The following CARMIL2 variants were observed in gnomAD, a reference collection of about 807,000 sequenced individuals.
CARMIL2 encodes the protein capping protein, Arp2/3 and myosin-I linker protein 2.
A neutral mutation model predicts 173.3 loss-of-function variants in CARMIL2; 96 were observed. That is an observed-to-expected ratio of 0.55 (90% CI 0.47 to 0.66). The LOEUF (loss-of-function observed/expected upper bound fraction) is 0.66. Among genes scored for constraint, CARMIL2 ranks in the 30% least tolerant of loss-of-function variants. CARMIL2 has a pLI of 0.00. For synonymous variants in CARMIL2, 830 were observed against 817.1 expected, an observed-to-expected ratio of 1.02 and a Z score of -0.27; for missense variants, 1,771 against 1,906.7, an observed-to-expected ratio of 0.93 and a Z score of 1.33.
chr16:67,652,437 C>A lies in CARMIL2; in HGVS notation c.2818-35C>A. Reference sequence around the variant, plus strand: ...GGCAGCTCTTTTGGGTTGGTGCTCTCCTACCCCAGGCTGAGTTTGTGCCCT... The same window carrying A: ...GGCAGCTCTTTTGGGTTGGTGCTCTACTACCCCAGGCTGAGTTTGTGCCCT... On this transcript the variant is annotated intron_variant, in intron 27 of 37. Transcript: ENST00000334583. The surrounding 1 kb of genome is among the most constrained non-coding windows in gnomAD (Gnocchi z 4.7). 1 of 1,612,552 alleles carries A rather than the reference C, an allele frequency of 6.2e-7. No individual in the cohort carries two copies. The highest frequency in any genetic ancestry group is 8.5e-7 in the Non-Finnish European group (1 of 1,179,302).
Position 67,649,536 on chromosome 16 carries a change from C to T in CARMIL2, c.1836C>T (p.Thr612=). 6.2e-7 allele frequency: 1 copy of T among 1,606,364 alleles called. No homozygotes were observed. Among genetic ancestry groups the T allele is most frequent in the Non-Finnish European group, 8.5e-7 (1 of 1,179,850 alleles). Residue 612 remains threonine, a synonymous_variant, in exon 20 of 38, where the codon ACC becomes ACT. Coordinates refer to ENST00000334583, the MANE Select transcript of CARMIL2 (RefSeq NM_001013838.3). This position sits in a 1 kb window ranked among gnomAD's most constrained non-coding sequence, Gnocchi z 6.7. ...CCCTAGCCACCAATCCTAACCTGAC[C>T]GCGCTGGATATCAGCGGCAACGCCA... ...LRALATNPNL[T]ALDISGNAMG...
intron 8 of CARMIL2, 62 bp downstream of exon 8, chr16:67,647,035 G>T (rs2052607325): frequency 2.5e-6 from 4 of 1,607,834 alleles, no homozygotes; most frequent in Non-Finnish European, 3.4e-6. Flanking sequence ...CTGGGCCTCA[G>T]TTTCTCCATG....
chr16:67,651,329 C>G lies in CARMIL2; in HGVS notation c.2313+14C>G, dbSNP rs201566661. On this transcript the variant is annotated intron_variant, in intron 23 of 37. Transcript: ENST00000334583. This position sits in a 1 kb window ranked among gnomAD's most constrained non-coding sequence, Gnocchi z 4.2. ...TTCTCTCTCAGCGTGAGCACTCCCC[C>G]TCCTGCTACAAGGACCCTTCCCCTC... The G allele has an allele frequency of 8.7e-6, 14 of 1,612,748 alleles. No homozygotes were observed. In the Admixed American group the frequency reaches 2.3e-4, roughly 27 times the overall value.
At position 67,654,259 on chromosome 16, in the gene CARMIL2, G is replaced by A. The variant is rs1330164977; in HGVS notation, c.3221+10G>A. 6 of 1,573,118 alleles carry A rather than the reference G, an allele frequency of 3.8e-6. No individual in the cohort carries two copies. The South Asian group carries it at 5.8e-5, about 15-fold the overall frequency. On this transcript the variant is annotated intron_variant, in intron 30 of 37. Transcript: ENST00000334583. Reference sequence around the variant, plus strand: ...TCCAGCAGGATCGCCTGTGAGTGAGGGGCATCTGCTGGGGGTGGGAGAGGG... The same window carrying A: ...TCCAGCAGGATCGCCTGTGAGTGAGAGGCATCTGCTGGGGGTGGGAGAGGG...
intron 2 of CARMIL2, 22 bp downstream of exon 2, chr16:67,645,653 C>T (rs780041443): frequency 7.4e-6 from 12 of 1,613,080 alleles, no homozygotes; most frequent in African/African-American, 5.3e-5. Flanking sequence ...GGGACAGAGC[C>T]GGGGAGGCGG....
chr16:67,649,559 C>T lies in CARMIL2; in HGVS notation c.1859C>T (p.Ala620Val), dbSNP rs768020939. The T allele has an allele frequency of 2.9e-5, 46 of 1,602,968 alleles. No homozygotes were observed. The South Asian group carries it at 4.7e-4, about 16-fold the overall frequency. The change falls in exon 20 of 38, where the codon GCC (alanine) becomes GTC (valine). Residue 620 changes from alanine (A) to valine (V), a missense_variant. By Grantham distance (64) the Ala-to-Val change is moderately conservative. This residue lies in a region of CARMIL2 where 944 missense variants were observed against 975.6 expected (regional missense o/e 0.97). Coordinates refer to ENST00000334583, the MANE Select transcript of CARMIL2 (RefSeq NM_001013838.3). The surrounding 1 kb of genome is among the most constrained non-coding windows in gnomAD (Gnocchi z 6.7). ...NLTALDISGNAMGDAGAKLLA... is the reference protein window; with the variant it reads ...NLTALDISGNVMGDAGAKLLA... Reference sequence around the variant, plus strand: ...ACCGCGCTGGATATCAGCGGCAACGCCATGGGGGACGCGGGCGCCAAGTTG... The same window carrying T: ...ACCGCGCTGGATATCAGCGGCAACGTCATGGGGGACGCGGGCGCCAAGTTG...
Position 67,656,071 on chromosome 16 carries a change from A to G in CARMIL2, c.3742+4A>G, listed in dbSNP as rs747804007. The G allele has an allele frequency of 1.9e-6, 3 of 1,605,906 alleles. No individual in the cohort carries two copies. The Admixed American group carries it at 5.1e-5, about 28-fold the overall frequency. ...ATCAAGAAAGCTGGCTCAGATGGTA[A>G]GTGGGACCCTGGGGTGTGGCAGTAC... On this transcript the variant is annotated splice_donor_region_variant and intron_variant, in intron 33 of 37. Transcript: ENST00000334583.
rs1470658894 is a variant in CARMIL2 at position 67,646,083 on chromosome 16, G to A, written c.249+3G>A. On this transcript the variant is annotated splice_donor_region_variant and intron_variant, in intron 4 of 37. Coordinates refer to ENST00000334583, the MANE Select transcript of CARMIL2 (RefSeq NM_001013838.3). The surrounding 1 kb of genome is among the most constrained non-coding windows in gnomAD (Gnocchi z 4.6). ...CGCTGCAGGAGACACCCCCTCAGGT[G>A]AGACACCTAGTACCCTACCTGGGCC... The A allele has an allele frequency of 6.2e-7, 1 of 1,613,782 alleles. No homozygotes were observed. Among genetic ancestry groups the A allele is most frequent in the Non-Finnish European group, 8.5e-7 (1 of 1,179,878 alleles).
intron 29 of CARMIL2, 73 bp from the exon 30 acceptor site, chr16:67,654,076 C>A: frequency 1.1e-6 from 1 of 928,314 alleles, no homozygotes; most frequent in Non-Finnish European, 1.5e-6. Context: ...TCCAGGCTGC[C>A]GGCCGGGGGG....
At position 67,648,110 on chromosome 16, in the gene CARMIL2, C is replaced by T. The variant is rs1271312117; in HGVS notation, c.1130C>T (p.Thr377Ile). The change falls in exon 14 of 38, where the codon ACC becomes ATC. Residue 377 changes from threonine to isoleucine, a missense_variant. This residue lies in a region of CARMIL2 where 944 missense variants were observed against 975.6 expected (regional missense o/e 0.97). Coordinates refer to ENST00000334583, the MANE Select transcript of CARMIL2 (RefSeq NM_001013838.3). This position sits in a 1 kb window ranked among gnomAD's most constrained non-coding sequence, Gnocchi z 6.1. The stretch of plus-strand genomic sequence containing the variant: ...CTGTCGTTCCTGAATCTCGCAGGCA[C>T]CGACACTGCCCTGGACACTGTGAGG... ...NVLSFLNLAG[T>I]DTALDTVRGC... 3.1e-6 allele frequency: 5 copies of T among 1,612,978 alleles called. No homozygotes were observed. The highest frequency in any genetic ancestry group is 3.3e-5 in the Admixed American group (2 of 59,876).
chr16:67,646,584 C>T lies in CARMIL2; in HGVS notation c.466+67C>T. Reference sequence around the variant, plus strand: ...ACCTCTGCCTCCCCAGACCCGCAAGCTGGGGGGGCCCCAAACTGAACAGAG... The same window carrying T: ...ACCTCTGCCTCCCCAGACCCGCAAGTTGGGGGGGCCCCAAACTGAACAGAG... On this transcript the variant is annotated intron_variant, in intron 6 of 37. Transcript: ENST00000334583. This position sits in a 1 kb window ranked among gnomAD's most constrained non-coding sequence, Gnocchi z 4.6. The T allele has an allele frequency of 6.3e-7, 1 of 1,584,148 alleles. No homozygotes were observed. The highest frequency in any genetic ancestry group is 1.1e-5 in the South Asian group (1 of 89,696).
chr16:67,656,765 C>T (rs1416975024), intron 35 of CARMIL2, 36 bp from the exon 36 acceptor site: 2 of 1,549,662 alleles, frequency 1.3e-6, no homozygotes, highest in Admixed American at 2.0e-5. Context: ...GTGGGGGCAG[C>T]TGTTGGAATA....
At position 67,652,732 on chromosome 16, in the gene CARMIL2, C is replaced by A. The variant is rs2052750383; in HGVS notation, c.2884+194C>A. Among the ~76,000 whole-genome samples, 2 of 152,068 alleles carry A rather than the reference C, an allele frequency of 1.3e-5. No homozygotes were observed. Among genetic ancestry groups the A allele is most frequent in the Admixed American group, 6.5e-5 (1 of 15,272 alleles). On this transcript the variant is annotated intron_variant, in intron 28 of 37. Coordinates refer to ENST00000334583, the MANE Select transcript of CARMIL2 (RefSeq NM_001013838.3). The surrounding 1 kb of genome is among the most constrained non-coding windows in gnomAD (Gnocchi z 4.7). ...TGGTCAGCCCGGGGCGGGACCTGGG[C>A]GGATCTGGGACAGGACACCGGCTCA... is the stretch of plus-strand genomic sequence containing the variant.
rs1365345932 is a variant in CARMIL2 at position 67,647,386 on chromosome 16, G to C, written c.775G>C (p.Gly259Arg). The C allele has an allele frequency of 1.3e-6, 2 of 1,575,032 alleles. No homozygotes were observed. Among genetic ancestry groups the C allele is most frequent in the Non-Finnish European group, 1.7e-6 (2 of 1,160,220 alleles). The change falls in exon 10 of 38, where the codon GGA (glycine) becomes CGA (arginine). Residue 259 changes from glycine to arginine, a missense_variant and splice_region_variant. Gly to Arg is a moderately radical substitution (Grantham distance 125). Around this residue, in one of 3 missense-constraint regions of CARMIL2, gnomAD observed 944 missense variants for 975.6 expected, o/e 0.97. Coordinates refer to ENST00000334583, the MANE Select transcript of CARMIL2 (RefSeq NM_001013838.3). ...GGTGCTGGAGACCTGCAGCCTGAGG[G>C]GGTGAGGGGGACAGGGCAGGGCTTG... ...ELVLETCSLR[G>R]DFVRRLAQAL...
At position 67,656,484 on chromosome 16, in the gene CARMIL2, T is replaced by C. The variant is rs2052858918; in HGVS notation, c.3875T>C (p.Leu1292Pro). The stretch of plus-strand genomic sequence containing the variant: ...CCTGAGTCTGCCACCTGGAAGACAC[T>C]GGGGCAGCAGTTGAATGCGGAGCTC... The part of the protein sequence containing the change: ...QGPESATWKT[L>P]GQQLNAELRS... The change falls in exon 35 of 38, where the codon CTG becomes CCG. Residue 1292 changes from leucine (L) to proline (P), a missense_variant. Physicochemically the swap from Leu to Pro is moderately conservative, Grantham distance 98. Coordinates refer to ENST00000334583, the MANE Select transcript of CARMIL2 (RefSeq NM_001013838.3). 2 of 1,612,812 alleles carry C rather than the reference T, an allele frequency of 1.2e-6. No individual in the cohort carries two copies. Among genetic ancestry groups the C allele is most frequent in the Non-Finnish European group, 1.7e-6 (2 of 1,179,528 alleles).
chr16:67,645,821 C>G, intron 3 of CARMIL2, 44 bp downstream of exon 3: 1 of 1,605,498 alleles, frequency 6.2e-7, no homozygotes, highest in Non-Finnish European at 8.5e-7. Context: ...CCAGCAGCTA[C>G]CTTGGCAGGG....
chr16:67,653,339 G>T lies in CARMIL2; in HGVS notation c.3120+85G>T. On this transcript the variant is annotated intron_variant, in intron 29 of 37. Transcript: ENST00000334583. This position sits in a 1 kb window ranked among gnomAD's most constrained non-coding sequence, Gnocchi z 7.4. ...GCTCCTCATGGGTGGTAGCGGTCAA[G>T]GAGAGGGGGTGGTGGGGGCCCAAGG... 1 of 655,868 alleles carries T rather than the reference G, an allele frequency of 1.5e-6. No individual in the cohort carries two copies. The allele number at this position is 655,868 out of a possible 1,614,324, so 40.6% of individuals were successfully genotyped here. A position where few individuals can be genotyped will look rare whatever the true frequency, so the allele number is the denominator to read the frequency against.
Position 67,656,822 on chromosome 16 carries a change from C to T in CARMIL2, c.4058C>T (p.Pro1353Leu). The T allele has an allele frequency of 6.4e-7, 1 of 1,551,086 alleles. No individual in the cohort carries two copies. Among genetic ancestry groups the T allele is most frequent in the Non-Finnish European group, 8.7e-7 (1 of 1,147,060 alleles). The change falls in exon 36 of 38, where the codon CCT becomes CTT. Residue 1353 changes from proline (P) to leucine (L), a missense_variant. Physicochemically the swap from Pro to Leu is moderately conservative, Grantham distance 98. Coordinates refer to ENST00000334583, the MANE Select transcript of CARMIL2 (RefSeq NM_001013838.3). ...RNEDGQLRPR[P>L]LSAGRRAVSV... ...TCAGATGGCCAGCTGAGGCCGAGGCCTCTCTCGGCAGGGCGGCGAGCAGTG... is the reference window on the plus strand; with the variant it reads ...TCAGATGGCCAGCTGAGGCCGAGGCTTCTCTCGGCAGGGCGGCGAGCAGTG...
At position 67,649,010 on chromosome 16, in the gene CARMIL2, A is replaced by G; in HGVS notation, c.1591+36A>G. 1.9e-6 allele frequency: 3 copies of G among 1,602,032 alleles called. No individual in the cohort carries two copies. The highest frequency in any genetic ancestry group is 2.6e-6 in the Non-Finnish European group (3 of 1,174,922). On this transcript the variant is annotated intron_variant, in intron 17 of 37. Transcript: ENST00000334583. This position sits in a 1 kb window ranked among gnomAD's most constrained non-coding sequence, Gnocchi z 6.7. ...AGGAGAGCCCATCCTCGCATCATCC[A>G]CTCGATTCCCAATCCCCACCCTACC...
Sources: allele counts gnomAD v4.1 joint callset (sites outside exome capture counted in the v4.1 genomes callset), GRCh38; gene constraint gnomAD v4.1.1; regional missense constraint gnomAD v4.1.1; non-coding constraint Gnocchi (gnomAD v3.1); transcripts MANE v1.5; gene names NCBI Gene and HGNC (gene_info 2026-07-23, HGNC 2026-07-21).